Variants in ASPH observed in about 807,000 individuals in gnomAD.
ASPH encodes aspartate beta-hydroxylase.
ASPH carries 100 observed loss-of-function variants against 118.4 expected under a neutral mutation model. The ratio of observed to expected loss-of-function variants is 0.84; its 90% CI spans 0.72 to 1.00. The LOEUF is 1.00. Ranked by LOEUF, ASPH falls within the 50% of genes least tolerant of loss-of-function variation. ASPH has a pLI of 0.00. For missense variants in ASPH, 920 were observed against 919.5 expected, an observed-to-expected ratio of 1.00 and a Z score of -0.01; for synonymous variants, 315 against 325.6, an observed-to-expected ratio of 0.97 and a Z score of 0.35.
At chr8:61,664,906 C>T (rs1818768039) in intron 3 of ASPH, 1 of 1,026,330 alleles carries the variant, frequency 9.7e-7, no homozygotes, top group African/African-American at 1.7e-5. Flanking sequence ...GCATTATGCA[C>T]AGAAATAACA....
Position 61,576,853 on chromosome 8 carries a change from T to A in ASPH, c.1068A>T (p.Lys356Asn). ...DAAEKLRKRG[K>N]IEEAVNAFKE... ...TAAATGCATTCACTGCTTCCTCAAT[T>A]TTTCCCTGTTAGAAAGACAAAATTA... The change falls in exon 16 of 25, where the codon AAA (lysine) becomes AAT (asparagine). Residue 356 changes from lysine to asparagine, a missense_variant. Coordinates refer to ENST00000379454, the MANE Select transcript of ASPH (RefSeq NM_004318.4). The A allele has an allele frequency of 6.2e-7, 1 of 1,605,900 alleles. No individual in the cohort carries two copies. Among genetic ancestry groups the A allele is most frequent in the Non-Finnish European group, 8.5e-7 (1 of 1,175,610 alleles).
At chr8:61,554,350 G>T (rs1324354841) in intron 19 of ASPH, among the ~76,000 whole-genome samples, 1 of 152,132 alleles carries the variant, frequency 6.6e-6, no homozygotes, top group African/African-American at 2.4e-5. Context: ...AATTAAAATG[G>T]TTTTTAATAG....
rs1191333253 is a variant in ASPH, at chr8:61,706,473, GAAGAAGAAAGAAGA to G, written c.103+7782_103+7795del. On this transcript the variant is annotated intron_variant, in intron 1 of 24. Transcript: ENST00000379454. ...GAAGAAGAAGGAGGAAGAGGAAGAA[GAAGAAGAAAGAAGA>G]AAGAAGAAAAAAGAAAGAAGAAAGA... Among the ~76,000 whole-genome samples the G allele has an allele frequency of 2.1e-5, 3 of 142,076 alleles. No homozygotes were observed. The East Asian group carries it at 6.3e-4, about 30-fold the overall frequency. 93.2% of individuals were successfully genotyped at this position (142,076 alleles called of 152,430 possible). A position where few individuals can be genotyped will look rare whatever the true frequency, so the allele number is the denominator to read the frequency against.
At chr8:61,566,123 A>G (rs1831598719) in intron 17 of ASPH, among the ~76,000 whole-genome samples, 1 of 152,232 alleles carries the variant, frequency 6.6e-6, no homozygotes, top group African/African-American at 2.4e-5. Context: ...TCTGCAGTTC[A>G]TGGATCAAGG....
intron 10 of ASPH, among the ~76,000 whole-genome samples, chr8:61,642,392 T>A (rs562142393): frequency 4.6e-5 from 7 of 152,348 alleles, no homozygotes; most frequent in Middle Eastern, 3.4e-3. Flanking sequence ...GTTTAAGAAA[T>A]TATTTAGGCA....
intron 14 of ASPH, among the ~76,000 whole-genome samples, chr8:61,615,700 T>G (rs1848783485): frequency 6.6e-6 from 1 of 152,196 alleles, no homozygotes; most frequent in Non-Finnish European, 1.5e-5. Context: ...TGACATCCAG[T>G]GGGGAGAAAC....
chr8:61,684,345 T>C, intron 1 of ASPH, 157 bp from the exon 2 acceptor site: 1 of 786,990 alleles, frequency 1.3e-6, no homozygotes, highest in Non-Finnish European at 1.9e-6. Context: ...ACACAAAATA[T>C]TTCTGAAAAC....
chr8:61,544,949 T>C (rs896298883), intron 21 of ASPH, among the ~76,000 whole-genome samples: 1 of 152,052 alleles, frequency 6.6e-6, no homozygotes, highest in South Asian at 2.1e-4. Context: ...GTGAAGGATA[T>C]ATGAGAGAAG....
chr8:61,611,495 G>A (rs1042895060), intron 14 of ASPH, among the ~76,000 whole-genome samples: 2 of 152,200 alleles, frequency 1.3e-5, no homozygotes, highest in African/African-American at 2.4e-5. Flanking sequence ...TGCCTTCGAG[G>A]CTGACTACTA....
chr8:61,561,459 G>T (rs76536250), intron 18 of ASPH, among the ~76,000 whole-genome samples: 1,605 of 152,238 alleles, frequency 0.011, 30 homozygotes, highest in African/African-American at 0.036. Flanking sequence ...TCTTATTTCT[G>T]TTCTCTCAGA....
intron 1 of ASPH, among the ~76,000 whole-genome samples, chr8:61,691,975 C>T (rs985221607): frequency 6.6e-6 from 1 of 152,204 alleles, no homozygotes; most frequent in African/African-American, 2.4e-5. Flanking sequence ...TACAGAATGT[C>T]TACAGCTAAA....
intron 1 of ASPH, among the ~76,000 whole-genome samples, chr8:61,705,273 TC>T (rs529539367): frequency 1.9e-3 from 294 of 152,052 alleles, no homozygotes; most frequent in African/African-American, 6.8e-3. Context: ...AAGGTGCAGA[TC>T]AAAAAAGCTA....
At chr8:61,632,818 G>T in intron 13 of ASPH, 1 of 202,294 alleles carries the variant, frequency 4.9e-6, no homozygotes, top group Non-Finnish European at 1.0e-5. Context: ...AATTTTGGCA[G>T]GCACAATTAG....
chr8:61,686,193 T>A (rs1191609030), intron 1 of ASPH, among the ~76,000 whole-genome samples: 2 of 152,214 alleles, frequency 1.3e-5, no homozygotes, highest in Non-Finnish European at 2.9e-5. Context: ...GTGATCTATA[T>A]AAAAGCTGGC....
intron 2 of ASPH, among the ~76,000 whole-genome samples, chr8:61,681,820 A>G (rs1022883827): frequency 3.3e-5 from 5 of 151,892 alleles, no homozygotes; most frequent in African/African-American, 1.2e-4. Context: ...CATAAGGAAC[A>G]CTGTTATTTT....
At chr8:61,509,286 AG>A (rs1807886679) in intron 24 of ASPH, among the ~76,000 whole-genome samples, 1 of 152,220 alleles carries the variant, frequency 6.6e-6, no homozygotes, top group Non-Finnish European at 1.5e-5. Flanking sequence ...AAGGAATAAA[AG>A]AATGGATACT....
chr8:61,661,900 C>T (rs1045031620), intron 3 of ASPH: 34 of 448,728 alleles, frequency 7.6e-5, no homozygotes, highest in Non-Finnish European at 1.1e-4. Flanking sequence ...AATTTTGAGA[C>T]GATCATCTAT....
At position 61,612,811 on chromosome 8, in the gene ASPH, T is replaced by C. The variant is rs929864924; in HGVS notation, c.976+6167A>G. On this transcript the variant is annotated intron_variant, in intron 14 of 24. Coordinates refer to ENST00000379454, the MANE Select transcript of ASPH (RefSeq NM_004318.4). ...TGGTAGCTGAAAAATGCTTAACTCA[T>C]AAGATTGATGGGTAAGGCTTAAACA... Among the ~76,000 whole-genome samples, 3 of 152,294 alleles carry C rather than the reference T, an allele frequency of 2.0e-5. No individual in the cohort carries two copies. In the South Asian group the frequency reaches 6.2e-4, roughly 32 times the overall value.
chr8:61,713,106 T>C (rs980706206), intron 1 of ASPH, among the ~76,000 whole-genome samples: 8 of 152,248 alleles, frequency 5.3e-5, no homozygotes, highest in Admixed American at 2.0e-4. Flanking sequence ...TATGCTTGCA[T>C]TGAACTTCAA....
Sources: gnomAD v4.1 joint callset for allele counts (sites outside exome capture counted in the v4.1 genomes callset) on GRCh38, gnomAD v4.1.1 for gene constraint, MANE v1.5 for transcripts, NCBI Gene and HGNC (gene_info 2026-07-23, HGNC 2026-07-21) for gene names.